The following PAH variants were observed in gnomAD, a reference collection of about 807,000 sequenced individuals.
The protein encoded by PAH is phenylalanine hydroxylase.
In PAH, 64 loss-of-function variants were observed where a neutral mutation model predicts 62.0. The observed-to-expected ratio is 1.03, with a 90% CI of 0.84 to 1.27. The LOEUF is 1.27. Ranked by LOEUF, PAH falls within the 50% of genes most tolerant of loss-of-function variation. The pLI is 0.00. For missense variants in PAH, 579 were observed against 542.8 expected, an observed-to-expected ratio of 1.07 and a Z score of -0.66; for synonymous variants, 195 against 196.2, an observed-to-expected ratio of 0.99 and a Z score of 0.05.
chr12:102,837,605 T>A lies in PAH; in HGVS notation c.*1570A>T, dbSNP rs957867084. 17 of 152,212 alleles carry A rather than the reference T, an allele frequency of 1.1e-4. No individual in the cohort carries two copies. The highest frequency in any genetic ancestry group is 4.1e-4 in the African/African-American group (17 of 41,454). The allele number at this position is 152,212 out of a possible 1,614,324, so 9.4% of individuals were successfully genotyped here. A position where few individuals can be genotyped will look rare whatever the true frequency, so the allele number is the denominator to read the frequency against. ...CCTCTTTCCTCCCAGCTGGCATATA[T>A]AAGCAGGTATTGTAACACCCCATCA... On this transcript the variant is annotated 3_prime_UTR_variant, in exon 13 of 13. Transcript: ENST00000553106.
intron 8 of PAH, among the ~76,000 whole-genome samples, chr12:102,850,978 G>A (rs759280521): frequency 3.6e-4 from 55 of 152,090 alleles, no homozygotes; most frequent in Non-Finnish European, 6.2e-4. Flanking sequence ...CAGCCACTCA[G>A]GAGGCTGAGG....
chr12:102,845,982 C>G (rs375039954), intron 9 of PAH, among the ~76,000 whole-genome samples: 181 of 152,302 alleles, frequency 1.2e-3, no homozygotes, highest in African/African-American at 4.1e-3. Context: ...CTATCTAGCT[C>G]TGTAACTTCT....
rs140774997 is a variant in PAH, at chr12:102,871,135, A to G, written c.442-4472T>C. The stretch of plus-strand genomic sequence containing the variant: ...CACCCCCTCCACTTCATCCCAAATT[A>G]TATTTATAAAGTGCAAGTCTGGTGA... On this transcript the variant is annotated intron_variant, in intron 4 of 12. Coordinates refer to ENST00000553106, the MANE Select transcript of PAH (RefSeq NM_000277.3). 2.2e-3 allele frequency among the ~76,000 whole-genome samples: 341 copies of G among 152,250 alleles called. 2 individuals are homozygous for G. Among genetic ancestry groups the G allele is most frequent in the African/African-American group, 7.6e-3 (316 of 41,540 alleles).
chr12:102,867,890 C>CATATATAGATGT (rs1414499056), intron 4 of PAH, among the ~76,000 whole-genome samples: 4 of 138,644 alleles, frequency 2.9e-5, no homozygotes, highest in Non-Finnish European at 6.2e-5. Context: ...CATGTATATA[C>CATATATAGATGT]ATATATAGAT....
In PAH at chr12:102,856,609, C is replaced by T. The variant is rs184165090; in HGVS notation, c.510-1277G>A. On this transcript the variant is annotated intron_variant, in intron 5 of 12. Transcript: ENST00000553106. ...AGCAGGGGCAGACTGACACCGCACACGGCCGGGTACCCCTCTGAGACAAAG... is the reference window on the plus strand; with the variant it reads ...AGCAGGGGCAGACTGACACCGCACATGGCCGGGTACCCCTCTGAGACAAAG... 4.6e-3 allele frequency among the ~76,000 whole-genome samples: 696 copies of T among 152,296 alleles called. 5 individuals carry two copies. The highest frequency in any genetic ancestry group is 0.016 in the African/African-American group (650 of 41,552).
Position 102,851,874 on chromosome 12 carries a change from T to C in PAH, c.843-118A>G, listed in dbSNP as rs140417991. The C allele has an allele frequency of 7.2e-4, 548 of 762,012 alleles. 3 individuals carry two copies. The highest frequency in any genetic ancestry group is 3.3e-3 in the African/African-American group (192 of 58,350). 47.2% of individuals were successfully genotyped at this position (762,012 alleles called of 1,614,324 possible). On this transcript the variant is annotated intron_variant, in intron 7 of 12. Coordinates refer to ENST00000553106, the MANE Select transcript of PAH (RefSeq NM_000277.3). ...GGAAATAACTCTTTTAGGCTTATGA[T>C]CCCTCTCCCAGGAATAAGTGATATG...
At chr12:102,908,725 G>A (rs371702923) in intron 2 of PAH, among the ~76,000 whole-genome samples, 6 of 151,932 alleles carry the variant, frequency 3.9e-5, no homozygotes, top group East Asian at 3.9e-4. Context: ...ATTGATGCAC[G>A]TTATAAACGA....
chr12:102,896,623 C>T (rs967291673), intron 2 of PAH, among the ~76,000 whole-genome samples: 4 of 152,040 alleles, frequency 2.6e-5, no homozygotes, highest in African/African-American at 9.7e-5. Context: ...ACATTCAGGA[C>T]GTCTTCTATA....
intron 3 of PAH, among the ~76,000 whole-genome samples, chr12:102,884,888 C>A (rs528027082): frequency 6.6e-6 from 1 of 152,154 alleles, no homozygotes; most frequent in East Asian, 1.9e-4. Context: ...TCCTTTAATT[C>A]GCAAAACAGT....
Position 102,853,162 on chromosome 12 carries a change from C to G in PAH, c.707-212G>C, listed in dbSNP as rs531644655. The G allele has an allele frequency of 6.8e-5, 41 of 605,594 alleles. No homozygotes were observed. The East Asian group carries it at 1.1e-3, about 16-fold the overall frequency. The allele number at this position is 605,594 out of a possible 1,614,324, so 37.5% of individuals were successfully genotyped here. On this transcript the variant is annotated intron_variant, in intron 6 of 12. Coordinates refer to ENST00000553106, the MANE Select transcript of PAH (RefSeq NM_000277.3). ...CATTTCTGAGCCTCAGTTTCCTCAT[C>G]TGCATAATGTGGATAGATACTTCTT...
At chr12:102,952,071 G>A (rs193193619), upstream of PAH, among the ~76,000 whole-genome samples, 1 of 152,036 alleles carries the variant, frequency 6.6e-6, no homozygotes, top group Non-Finnish European at 1.5e-5. Context: ...TTTTTCTTGC[G>A]GCTCAAAGAT....
intron 1 of PAH, among the ~76,000 whole-genome samples, chr12:102,913,259 G>C (rs910978882): frequency 5.0e-4 from 76 of 152,214 alleles, no homozygotes; most frequent in African/African-American, 1.8e-3. Context: ...TATCTTTTAG[G>C]AGCTCACAAT....
chr12:102,892,650 T>C (rs1051624902), intron 3 of PAH, among the ~76,000 whole-genome samples: 1 of 152,264 alleles, frequency 6.6e-6, no homozygotes, highest in Non-Finnish European at 1.5e-5. Flanking sequence ...CATGGAGGAT[T>C]TGTAAATATG....
intron 4 of PAH, 151 bp downstream of exon 4, chr12:102,877,311 A>T: frequency 1.4e-6 from 1 of 723,898 alleles, no homozygotes. Context: ...AGTCTTGCTA[A>T]TTTTTCCCAG....
chr12:102,864,537 G>A (rs1875864183), intron 5 of PAH, among the ~76,000 whole-genome samples: 1 of 152,030 alleles, frequency 6.6e-6, no homozygotes. Context: ...TTTTTAAAAA[G>A]CAAAATCACA....
In PAH at chr12:102,899,858, C is replaced by CAAAAAA. The variant is rs1166069532; in HGVS notation, c.169-4946_169-4941dup. ...TGGGCGACAGAGCGAGACTCCGTCTCAAAAAAAAAAAAAAAAAAAAAAAAA... is the reference window on the plus strand; with the variant it reads ...TGGGCGACAGAGCGAGACTCCGTCTCAAAAAAAAAAAAAAAAAAAAAAAAAAAAAAA... On this transcript the variant is annotated intron_variant, in intron 2 of 12. Coordinates refer to ENST00000553106, the MANE Select transcript of PAH (RefSeq NM_000277.3). 3.9e-3 allele frequency among the ~76,000 whole-genome samples: 37 copies of CAAAAAA among 9,536 alleles called. 4 individuals carry two copies. Among genetic ancestry groups the CAAAAAA allele is most frequent in the Admixed American group, 0.011 (4 of 364 alleles). The allele number at this position is 9,536 out of a possible 152,430, so 6.3% of individuals were successfully genotyped here. A position where few individuals can be genotyped will look rare whatever the true frequency, so the allele number is the denominator to read the frequency against.
chr12:102,947,521 C>T (rs577921419), intron 1 of PAH, among the ~76,000 whole-genome samples: 2 of 152,140 alleles, frequency 1.3e-5, no homozygotes, highest in Admixed American at 1.3e-4. Context: ...CTAAGGGCAG[C>T]ATATGTCATC....
At chr12:102,851,904 G>A (rs1456595929) in intron 7 of PAH, 148 bp from the exon 8 acceptor site, 1 of 665,686 alleles carries the variant, frequency 1.5e-6, no homozygotes, top group East Asian at 2.8e-5. Context: ...GATATGCAGA[G>A]GTTGGGATCA....
At chr12:102,854,866 T>G in intron 6 of PAH, 1 of 516,902 alleles carries the variant, frequency 1.9e-6, no homozygotes. Context: ...GGGCTTTAAG[T>G]GTGAAAGAAA....
Sources: allele counts gnomAD v4.1 joint callset (sites outside exome capture counted in the v4.1 genomes callset), GRCh38; gene constraint gnomAD v4.1.1; transcripts MANE v1.5; gene names NCBI Gene and HGNC (gene_info 2026-07-23, HGNC 2026-07-21).